ZBTB7C: variants seen among roughly 807,000 people sequenced by gnomAD.
ZBTB7C encodes the protein zinc finger and BTB domain containing 7C, also known as zinc finger and BTB domain-containing protein 7C.
In ZBTB7C, 8 loss-of-function variants were observed where a neutral mutation model predicts 25.7. That is an observed-to-expected ratio of 0.31 (90% CI 0.18 to 0.56). The LOEUF (loss-of-function observed/expected upper bound fraction) is 0.56, where lower values mean the gene tolerates loss of function less well. Ranked by LOEUF, ZBTB7C falls within the 20% of genes least tolerant of loss-of-function variation. The probability of loss-of-function intolerance (pLI) is 0.91; values close to 1 mark genes in which losing one functional copy is unlikely to be tolerated. For synonymous variants in ZBTB7C, 394 were observed against 369.0 expected (o/e 1.07, Z -0.78); for missense variants, 824 against 855.2 (o/e 0.96, Z 0.46).
chr18:48,189,325 AGT>A lies in ZBTB7C; in HGVS notation c.-78-3332_-78-3331del, dbSNP rs2042137540. Among the ~76,000 whole-genome samples, 3 of 152,302 alleles carry A rather than the reference AGT, an allele frequency of 2.0e-5. No individual in the cohort carries two copies. The South Asian group carries it at 6.2e-4, about 32-fold the overall frequency. On this transcript the variant is annotated intron_variant, in intron 2 of 4. Coordinates refer to ENST00000590800, the MANE Select transcript of ZBTB7C (RefSeq NM_001318841.2). ...AGAGCTAACAGCTTCTCCAAGTGAG[AGT>A]GAATAAATAGCATGGGTAATTTTTT... is the stretch of plus-strand genomic sequence containing the variant.
chr18:48,206,043 C>A (rs2042569143), intron 2 of ZBTB7C, among the ~76,000 whole-genome samples: 1 of 152,172 alleles, frequency 6.6e-6, no homozygotes, highest in Admixed American at 6.5e-5. Flanking sequence ...GTCAAAATCC[C>A]AGCAGTTTTG....
chr18:48,075,877 C>A (rs191567637), intron 3 of ZBTB7C, among the ~76,000 whole-genome samples: 7 of 152,208 alleles, frequency 4.6e-5, no homozygotes, highest in Non-Finnish European at 1.0e-4. Context: ...CCTCCCAAAT[C>A]CGCTCTCCTA....
intron 3 of ZBTB7C, among the ~76,000 whole-genome samples, chr18:48,068,282 G>A (rs954359709): frequency 2.0e-5 from 3 of 151,550 alleles, no homozygotes; most frequent in African/African-American, 4.8e-5. Context: ...GGGACTACTC[G>A]GTGCCTGCCA....
At chr18:48,203,090 G>A (rs906770668) in intron 2 of ZBTB7C, among the ~76,000 whole-genome samples, 3 of 152,154 alleles carry the variant, frequency 2.0e-5, no homozygotes, top group African/African-American at 7.2e-5. Context: ...CCTCTGTTGA[G>A]CAAGAGGATG....
In ZBTB7C at chr18:48,039,902, G is replaced by T; in HGVS notation, c.1206C>A (p.Thr402=). 2 of 1,611,588 alleles carry T rather than the reference G, an allele frequency of 1.2e-6. No homozygotes were observed. The highest frequency in any genetic ancestry group is 1.7e-6 in the Non-Finnish European group (2 of 1,179,992). Residue 402 remains threonine (T), a splice_region_variant and synonymous_variant, in exon 4 of 5, where the codon ACC becomes ACA. Transcript: ENST00000590800. The part of the protein sequence containing the change: ...YMCTICEVRF[T]RQDKLKIHMR... ...CACCCGAGGGCTGCCATGCGCACCT[G>T]GTGAAGCGGACCTCGCAGATGGTGC...
chr18:48,268,963 T>TC (rs1165477182), intron 2 of ZBTB7C, among the ~76,000 whole-genome samples: 2 of 148,426 alleles, frequency 1.3e-5, no homozygotes, highest in African/African-American at 2.5e-5. Flanking sequence ...TGTTTCTTTT[T>TC]TTTTTTTTTT....
At chr18:48,193,432 A>C (rs747374610) in intron 2 of ZBTB7C, among the ~76,000 whole-genome samples, 7 of 152,162 alleles carry the variant, frequency 4.6e-5, no homozygotes, top group Non-Finnish European at 7.3e-5. Context: ...ACAGGTATTG[A>C]ATTAAATAGT....
intron 1 of ZBTB7C, among the ~76,000 whole-genome samples, chr18:48,397,683 A>G (rs1167974324): frequency 6.6e-6 from 1 of 152,232 alleles, no homozygotes; most frequent in Non-Finnish European, 1.5e-5. Flanking sequence ...AGGTCTCACA[A>G]CTTGCCAACT....
At chr18:48,406,563 G>A (rs1323635755) in intron 1 of ZBTB7C, among the ~76,000 whole-genome samples, 2 of 152,192 alleles carry the variant, frequency 1.3e-5, no homozygotes, top group East Asian at 3.8e-4. Flanking sequence ...TCGTAACACT[G>A]TATTATTATC....
At chr18:48,376,381 A>G (rs1449151048) in intron 1 of ZBTB7C, among the ~76,000 whole-genome samples, 1 of 151,522 alleles carries the variant, frequency 6.6e-6, no homozygotes, top group East Asian at 1.9e-4. Context: ...ATGCCCTCTA[A>G]GAAGCAGATC....
chr18:48,142,951 G>A (rs909588722), intron 3 of ZBTB7C, among the ~76,000 whole-genome samples: 1 of 147,572 alleles, frequency 6.8e-6, no homozygotes, highest in African/African-American at 2.7e-5. Context: ...TCCAGGCTTT[G>A]GCTATAAAGT....
chr18:48,299,936 A>G (rs2045501055), intron 2 of ZBTB7C, among the ~76,000 whole-genome samples: 1 of 152,236 alleles, frequency 6.6e-6, no homozygotes, highest in South Asian at 2.1e-4. Context: ...GGAATCCTCA[A>G]AGACCACTTA....
chr18:48,227,251 T>C (rs569116858), intron 2 of ZBTB7C, among the ~76,000 whole-genome samples: 1 of 152,220 alleles, frequency 6.6e-6, no homozygotes, highest in Non-Finnish European at 1.5e-5. Flanking sequence ...AAGATGCCAC[T>C]GTGTCCACCA....
At chr18:48,200,080 T>G (rs768352595) in intron 2 of ZBTB7C, among the ~76,000 whole-genome samples, 1 of 152,104 alleles carries the variant, frequency 6.6e-6, no homozygotes, top group Non-Finnish European at 1.5e-5. Flanking sequence ...TTAGCCACCC[T>G]GCCTGGAGAA....
chr18:48,329,555 C>A (rs907835419), intron 2 of ZBTB7C, among the ~76,000 whole-genome samples: 1 of 152,210 alleles, frequency 6.6e-6, no homozygotes, highest in African/African-American at 2.4e-5. Flanking sequence ...CCTCCCAGAC[C>A]ACCTGCACTA....
chr18:48,121,108 C>A (rs2039614334), intron 3 of ZBTB7C, among the ~76,000 whole-genome samples: 1 of 152,250 alleles, frequency 6.6e-6, no homozygotes, highest in South Asian at 2.1e-4. Context: ...CCCATGAGCA[C>A]TGTTCTTCCC....
intron 3 of ZBTB7C, among the ~76,000 whole-genome samples, chr18:48,136,610 T>C (rs918373292): frequency 2.0e-4 from 30 of 151,698 alleles, no homozygotes; most frequent in Non-Finnish European, 4.3e-4. Flanking sequence ...CGCAACTCCC[T>C]CTCGGAGTGC....
intron 3 of ZBTB7C, among the ~76,000 whole-genome samples, chr18:48,135,376 G>T (rs1158427786): frequency 6.6e-6 from 1 of 152,204 alleles, no homozygotes. Context: ...CAGTTAAAGT[G>T]TAAGATTCTA....
In ZBTB7C at chr18:48,039,916, C is replaced by G; in HGVS notation, c.1192G>C (p.Glu398Gln). The G allele has an allele frequency of 6.2e-7, 1 of 1,612,908 alleles. No homozygotes were observed. The highest frequency in any genetic ancestry group is 1.1e-5 in the South Asian group (1 of 91,082). The change falls in exon 4 of 5, where the codon GAG becomes CAG. Residue 398 changes from glutamate (E) to glutamine (Q), a missense_variant. Glu to Gln is a conservative substitution (Grantham distance 29). Around this residue, in one of 4 missense-constraint regions of ZBTB7C, gnomAD observed 49 missense variants for 81.3 expected, o/e 0.60. Transcript: ENST00000590800. ...CATGCGCACCTGGTGAAGCGGACCT[C>G]GCAGATGGTGCACATGTATGGCTTC... ...GEKPYMCTIC[E>Q]VRFTRQDKLK... is the part of the protein sequence containing the mutation.
Sources: allele counts gnomAD v4.1 joint callset (sites outside exome capture counted in the v4.1 genomes callset), GRCh38; gene constraint gnomAD v4.1.1; regional missense constraint gnomAD v4.1.1; transcripts MANE v1.5; gene names NCBI Gene and HGNC (gene_info 2026-07-23, HGNC 2026-07-21).